ADAM12: variants seen among roughly 807,000 people sequenced by gnomAD.
ADAM12 encodes the protein disintegrin and metalloproteinase domain-containing protein 12.
ADAM12 carries 70 observed loss-of-function variants against 106.4 expected under a neutral mutation model. The ratio of observed to expected loss-of-function variants is 0.66; its 90% confidence interval spans 0.54 to 0.80. The LOEUF is 0.80. Ranked by LOEUF, ADAM12 falls within the 30% of genes least tolerant of loss-of-function variation. ADAM12 has a pLI of 0.00. For missense variants in ADAM12, 1,010 were observed against 1,171.9 expected (o/e 0.86, Z 2.02); for synonymous variants, 420 against 433.5 (o/e 0.97, Z 0.39).
intron 4 of ADAM12, among the ~76,000 whole-genome samples, chr10:126,149,075 T>G (rs1247425639): frequency 3.9e-5 from 6 of 152,128 alleles, no homozygotes; most frequent in Non-Finnish European, 7.4e-5. Context: ...AAGAGACAGT[T>G]CCATGGGGAG....
chr10:126,199,351 T>C (rs966882697), intron 3 of ADAM12, among the ~76,000 whole-genome samples: 1 of 152,160 alleles, frequency 6.6e-6, no homozygotes, highest in African/African-American at 2.4e-5. Flanking sequence ...CCGGTGTTCA[T>C]TTCAAGTCAT....
chr10:126,190,671 A>G (rs1290850464), intron 3 of ADAM12, among the ~76,000 whole-genome samples: 2 of 152,156 alleles, frequency 1.3e-5, no homozygotes, highest in Admixed American at 6.5e-5. Context: ...TGTCTATGAA[A>G]GCGACAAACA....
intron 3 of ADAM12, among the ~76,000 whole-genome samples, chr10:126,221,278 G>A (rs949958780): frequency 2.6e-5 from 4 of 151,886 alleles, no homozygotes; most frequent in Middle Eastern, 3.2e-3. Context: ...CAGCTACTTG[G>A]CAGTCTGAGG....
intron 3 of ADAM12, among the ~76,000 whole-genome samples, chr10:126,185,599 C>A (rs750990536): frequency 2.6e-4 from 40 of 151,516 alleles, no homozygotes; most frequent in Non-Finnish European, 1.0e-4. Flanking sequence ...AAAAAAGCTT[C>A]CCAAAAGATG....
intron 3 of ADAM12, among the ~76,000 whole-genome samples, chr10:126,158,098 G>A (rs1956852268): frequency 6.6e-6 from 1 of 152,214 alleles, no homozygotes; most frequent in Non-Finnish European, 1.5e-5. Context: ...GAAAACCAGA[G>A]ACGGGGACTT....
chr10:126,078,108 G>A (rs1327315978), intron 11 of ADAM12, among the ~76,000 whole-genome samples: 1 of 152,134 alleles, frequency 6.6e-6, no homozygotes, highest in East Asian at 1.9e-4. Flanking sequence ...TGGTTACCTA[G>A]TGCCTAGAGC....
At chr10:126,211,785 G>C (rs1234450231) in intron 3 of ADAM12, among the ~76,000 whole-genome samples, 1 of 152,210 alleles carries the variant, frequency 6.6e-6, no homozygotes, top group Non-Finnish European at 1.5e-5. Context: ...CCTGCCAATA[G>C]TCATCTCTGC....
At chr10:126,073,579 A>G (rs577742244) in intron 11 of ADAM12, among the ~76,000 whole-genome samples, 1 of 152,098 alleles carries the variant, frequency 6.6e-6, no homozygotes, top group Non-Finnish European at 1.5e-5. Flanking sequence ...CTTTGCATCC[A>G]TATGTACTCA....
chr10:126,375,595 A>G (rs1665205142), intron 1 of ADAM12, among the ~76,000 whole-genome samples: 1 of 152,048 alleles, frequency 6.6e-6, no homozygotes, highest in Non-Finnish European at 1.5e-5. Context: ...TAACCTCTAA[A>G]TTAACAGAAC....
rs936940152 is a variant in ADAM12 at position 126,378,261 on chromosome 10, T to C, written c.88+9797A>G. Among the ~76,000 whole-genome samples, 11 of 152,260 alleles carry C rather than the reference T, an allele frequency of 7.2e-5. No individual in the cohort carries two copies. The South Asian group carries it at 1.5e-3, about 20-fold the overall frequency. On this transcript the variant is annotated intron_variant, in intron 1 of 22. Coordinates refer to ENST00000448723, the MANE Select transcript of ADAM12 (RefSeq NM_001288973.2). ...AACAAAATACGTTACAGTAAAAAATTTGTGTACTCTACAGCTTAGTAATTC... is the reference window on the plus strand; with the variant it reads ...AACAAAATACGTTACAGTAAAAAATCTGTGTACTCTACAGCTTAGTAATTC...
chr10:126,097,202 T>G (rs942875566), intron 10 of ADAM12, among the ~76,000 whole-genome samples: 1 of 152,188 alleles, frequency 6.6e-6, no homozygotes, highest in Non-Finnish European at 1.5e-5. Flanking sequence ...AAATGTACAG[T>G]CTGCTCTGTA....
Position 126,053,689 on chromosome 10 carries a change from C to T in ADAM12, c.1610-4020G>A, listed in dbSNP as rs755175084. On this transcript the variant is annotated intron_variant, in intron 14 of 22. Coordinates refer to ENST00000448723, the MANE Select transcript of ADAM12 (RefSeq NM_001288973.2). The surrounding 1 kb of genome is among the most constrained non-coding windows in gnomAD (Gnocchi z 4.6). ...CCGTGGAACAATTTTACTGAGATGA[C>T]GTTTCCTTTGGTCTCAGTCTTTTTA... 2.0e-5 allele frequency among the ~76,000 whole-genome samples: 3 copies of T among 151,862 alleles called. No homozygotes were observed. Among genetic ancestry groups the T allele is most frequent in the South Asian group, 2.1e-4 (1 of 4,822 alleles).
At chr10:126,232,219 T>C (rs1201336405) in intron 3 of ADAM12, among the ~76,000 whole-genome samples, 1 of 151,936 alleles carries the variant, frequency 6.6e-6, no homozygotes, top group African/African-American at 2.4e-5. Context: ...CAAAGGTCCT[T>C]ATAAGAGACA....
At position 126,020,286 on chromosome 10, in the gene ADAM12, T is replaced by G. The variant is rs1487026243; in HGVS notation, c.2530-461A>C. Among the ~76,000 whole-genome samples the G allele has an allele frequency of 2.0e-5, 3 of 152,218 alleles. No individual in the cohort carries two copies. The East Asian group carries it at 5.8e-4, about 29-fold the overall frequency. The stretch of plus-strand genomic sequence containing the variant: ...ACGGTGAGGATGGTTGTGCTCAGTC[T>G]GCCACGTGCAGGCGCTGTTCCACAT... On this transcript the variant is annotated intron_variant, in intron 21 of 22. Transcript: ENST00000448723.
chr10:126,324,406 T>C (rs900539642), intron 2 of ADAM12, among the ~76,000 whole-genome samples: 2 of 152,102 alleles, frequency 1.3e-5, no homozygotes, highest in Admixed American at 6.5e-5. Flanking sequence ...ATGGCTAAGA[T>C]GTAGGGGTGG....
chr10:126,046,446 G>C (rs1195229276), intron 16 of ADAM12, among the ~76,000 whole-genome samples: 1 of 152,078 alleles, frequency 6.6e-6, no homozygotes, highest in Non-Finnish European at 1.5e-5. Context: ...TTTCTTATGA[G>C]TTTTGTTTGG....
At chr10:126,141,788 T>C (rs140817679) in intron 4 of ADAM12, among the ~76,000 whole-genome samples, 1 of 152,162 alleles carries the variant, frequency 6.6e-6, no homozygotes, top group Non-Finnish European at 1.5e-5. Flanking sequence ...TTAGGGAGTA[T>C]ACCAAATGAA....
chr10:126,218,774 A>G (rs1331393679), intron 3 of ADAM12, among the ~76,000 whole-genome samples: 1 of 152,228 alleles, frequency 6.6e-6, no homozygotes, highest in Non-Finnish European at 1.5e-5. Flanking sequence ...GGCAGAATGT[A>G]CTGTTCTACC....
intron 11 of ADAM12, among the ~76,000 whole-genome samples, chr10:126,072,381 G>C (rs1436057508): frequency 6.6e-6 from 1 of 152,140 alleles, no homozygotes. Context: ...TACCTGGGTG[G>C]GCTGTATGAC....
Sources: allele counts gnomAD v4.1 joint callset (sites outside exome capture counted in the v4.1 genomes callset), GRCh38; gene constraint gnomAD v4.1.1; non-coding constraint Gnocchi (gnomAD v3.1); transcripts MANE v1.5; gene names NCBI Gene and HGNC (gene_info 2026-07-23, HGNC 2026-07-21).